Variants in DERA observed in about 807,000 individuals in gnomAD.
DERA encodes 2-deoxy-D-ribose 5-phosphate aldolase.
A neutral mutation model predicts 41.1 loss-of-function variants in DERA; 15 were observed. That is an observed-to-expected ratio of 0.37 (90% CI 0.24 to 0.56). The LOEUF is 0.56. Among genes scored for constraint, DERA ranks in the 20% least tolerant of loss-of-function variants. The pLI, the probability that DERA is intolerant of heterozygous loss-of-function variation, is 0.81. For missense variants in DERA, 396 were observed against 403.4 expected, an observed-to-expected ratio of 0.98 and a Z score of 0.16; for synonymous variants, 139 against 137.4, an observed-to-expected ratio of 1.01 and a Z score of -0.08.
In DERA at chr12:16,010,436, C is replaced by T. The variant is rs575288310; in HGVS notation, c.638-22106C>T. Among the ~76,000 whole-genome samples the T allele has an allele frequency of 6.6e-6, 1 of 151,876 alleles. No homozygotes were observed. Among genetic ancestry groups the T allele is most frequent in the East Asian group, 2.0e-4 (1 of 5,126 alleles). ...CAAAATTTGATGGTGACCTTTTCTGCTTGTACCTTTACCCATAGATGAGGT... is the reference window on the plus strand; with the variant it reads ...CAAAATTTGATGGTGACCTTTTCTGTTTGTACCTTTACCCATAGATGAGGT... On this transcript the variant is annotated intron_variant, in intron 6 of 8. Transcript: ENST00000428559. The surrounding 1 kb of genome is among the most constrained non-coding windows in gnomAD (Gnocchi z 5.5).
rs1948248712 is a variant in DERA, at chr12:15,922,101, TC to T, written c.31+10688del. Among the ~76,000 whole-genome samples the T allele has an allele frequency of 2.0e-5, 3 of 152,298 alleles. No individual in the cohort carries two copies. The South Asian group carries it at 6.2e-4, about 32-fold the overall frequency. On this transcript the variant is annotated intron_variant, in intron 1 of 8. Coordinates refer to ENST00000428559, the MANE Select transcript of DERA (RefSeq NM_015954.4). This position sits in a 1 kb window ranked among gnomAD's most constrained non-coding sequence, Gnocchi z 4.9. ...GTGTATGTTGAGTACTGTGAACTCATCACTGTCCATGTCTTTGTGAAAGCTA... is the reference window on the plus strand; with the variant it reads ...GTGTATGTTGAGTACTGTGAACTCATACTGTCCATGTCTTTGTGAAAGCTA...
rs1411575576 is a variant in DERA at position 16,010,428 on chromosome 12, C to G, written c.638-22114C>G. 6.6e-6 allele frequency among the ~76,000 whole-genome samples: 1 copy of G among 151,740 alleles called. No homozygotes were observed. The highest frequency in any genetic ancestry group is 1.5e-5 in the Non-Finnish European group (1 of 68,010). On this transcript the variant is annotated intron_variant, in intron 6 of 8. Coordinates refer to ENST00000428559, the MANE Select transcript of DERA (RefSeq NM_015954.4). The surrounding 1 kb of genome is among the most constrained non-coding windows in gnomAD (Gnocchi z 5.5). ...TGATCTGGCAAAATTTGATGGTGACCTTTTCTGCTTGTACCTTTACCCATA... is the reference window on the plus strand; with the variant it reads ...TGATCTGGCAAAATTTGATGGTGACGTTTTCTGCTTGTACCTTTACCCATA...
chr12:15,950,558 G>T (rs1033210462), intron 1 of DERA, among the ~76,000 whole-genome samples: 1 of 152,180 alleles, frequency 6.6e-6, no homozygotes, highest in Admixed American at 6.5e-5. Flanking sequence ...AGCCCAGTAA[G>T]TTTCAGCCTC....
Position 16,000,668 on chromosome 12 carries a change from C to G in DERA, c.637+18232C>G, listed in dbSNP as rs547674328. Reference sequence around the variant, plus strand: ...CAATGAAATTGGAAAGAATTTAGATCATCCATGTCACACAAAGCCAGCAAA... The same window carrying G: ...CAATGAAATTGGAAAGAATTTAGATGATCCATGTCACACAAAGCCAGCAAA... On this transcript the variant is annotated intron_variant, in intron 6 of 8. Coordinates refer to ENST00000428559, the MANE Select transcript of DERA (RefSeq NM_015954.4). The surrounding 1 kb of genome is among the most constrained non-coding windows in gnomAD (Gnocchi z 4.8). Among the ~76,000 whole-genome samples the G allele has an allele frequency of 1.1e-4, 16 of 152,334 alleles. No individual in the cohort carries two copies. The highest frequency in any genetic ancestry group is 2.4e-4 in the Non-Finnish European group (16 of 68,032).
Position 15,911,399 on chromosome 12 carries a change from C to A in DERA, c.16C>A (p.Arg6=), listed in dbSNP as rs1183933428. ...TGCCCGCGCCATGTCCGCGCACAAT[C>A]GGGGCACCGAGCTCGGTAAGGGGCC... MSAHN[R]GTELDLSWIS... Residue 6 remains arginine, a synonymous_variant, in exon 1 of 9, where the codon CGG becomes AGG. Transcript: ENST00000428559. This position sits in a 1 kb window ranked among gnomAD's most constrained non-coding sequence, Gnocchi z 4.5. 1.1e-5 allele frequency: 16 copies of A among 1,405,534 alleles called. 1 individual carries two copies. The East Asian group carries it at 4.4e-4, about 38-fold the overall frequency. The allele number at this position is 1,405,534 out of a possible 1,614,324, so 87.1% of individuals were successfully genotyped here. A position where few individuals can be genotyped will look rare whatever the true frequency, so the allele number is the denominator to read the frequency against.
At chr12:15,919,210 A>G (rs1369840409) in intron 1 of DERA, among the ~76,000 whole-genome samples, 1 of 152,194 alleles carries the variant, frequency 6.6e-6, no homozygotes. Flanking sequence ...GGTTTGTTGT[A>G]TAATTAAATA....
At position 15,957,831 on chromosome 12, in the gene DERA, CCTT is replaced by C. The variant is rs1383372287; in HGVS notation, c.130-353_130-351del. On this transcript the variant is annotated intron_variant, in intron 2 of 8. Transcript: ENST00000428559. This position sits in a 1 kb window ranked among gnomAD's most constrained non-coding sequence, Gnocchi z 4.8. The stretch of plus-strand genomic sequence containing the variant: ...CGGGAGGTAAAATGTAAGGTAGAAA[CCTT>C]CTTTCGGAGTTCTTCTTTGTCAGGG... Among the ~76,000 whole-genome samples, 12 of 152,224 alleles carry C rather than the reference CCTT, an allele frequency of 7.9e-5. No individual in the cohort carries two copies. In the South Asian group the frequency reaches 1.9e-3, roughly 24 times the overall value.
intron 6 of DERA, among the ~76,000 whole-genome samples, chr12:16,024,835 A>G (rs1010559375): frequency 6.6e-6 from 1 of 152,210 alleles, no homozygotes; most frequent in Non-Finnish European, 1.5e-5. Context: ...TAACTGATTT[A>G]AAAGATAACA....
At chr12:16,032,502 ATCTT>A in intron 6 of DERA, 36 bp from the exon 7 acceptor site, 1 of 1,158,448 alleles carries the variant, frequency 8.6e-7, no homozygotes, top group Non-Finnish European at 1.2e-6. Flanking sequence ...TAAAAAAAGA[ATCTT>A]TAATTAACAT....
intron 1 of DERA, among the ~76,000 whole-genome samples, chr12:15,912,174 G>A (rs1948169201): frequency 1.3e-5 from 2 of 152,120 alleles, no homozygotes; most frequent in Non-Finnish European, 2.9e-5. Context: ...GCCTTCCGCA[G>A]TGTTTGTGTC....
chr12:15,920,994 C>A (rs1396599850), intron 1 of DERA, among the ~76,000 whole-genome samples: 1 of 152,208 alleles, frequency 6.6e-6, no homozygotes, highest in African/African-American at 2.4e-5. Context: ...GGTTCAGATT[C>A]AGAGAATCTT....
rs867143687 is a variant in DERA, at chr12:15,928,125, A to T, written c.31+16711A>T. Among the ~76,000 whole-genome samples the T allele has an allele frequency of 2.0e-5, 3 of 152,338 alleles. No individual in the cohort carries two copies. Among genetic ancestry groups the T allele is most frequent in the Middle Eastern group, 6.8e-3 (2 of 294 alleles). The stretch of plus-strand genomic sequence containing the variant: ...AGTGACTTCATCACCTCACATACTT[A>T]GTTTTTGTGTTGAGAATGTCTGAAA... On this transcript the variant is annotated intron_variant, in intron 1 of 8. Transcript: ENST00000428559. This position sits in a 1 kb window ranked among gnomAD's most constrained non-coding sequence, Gnocchi z 4.6.
Position 15,981,100 on chromosome 12 carries a change from GCA to G in DERA, c.509-1206_509-1205del. On this transcript the variant is annotated intron_variant, in intron 5 of 8. Coordinates refer to ENST00000428559, the MANE Select transcript of DERA (RefSeq NM_015954.4). The surrounding 1 kb of genome is among the most constrained non-coding windows in gnomAD (Gnocchi z 6.1). ...ACCGTGGCTCACACCTGTAATCCCA[GCA>G]CTTTGGGACGCTGAGGCAGGCGGAT... is the stretch of plus-strand genomic sequence containing the variant. Among the ~76,000 whole-genome samples, 1 of 152,228 alleles carries G rather than the reference GCA, an allele frequency of 6.6e-6. No homozygotes were observed. The highest frequency in any genetic ancestry group is 6.5e-5 in the Admixed American group (1 of 15,288).
chr12:15,991,851 C>T (rs1449385659), intron 6 of DERA, among the ~76,000 whole-genome samples: 2 of 152,082 alleles, frequency 1.3e-5, no homozygotes, highest in African/African-American at 4.8e-5. Context: ...ATTCCAGGTA[C>T]TTCTGTCTTT....
intron 6 of DERA, among the ~76,000 whole-genome samples, chr12:16,029,765 A>T (rs989776156): frequency 1.3e-5 from 2 of 152,036 alleles, no homozygotes; most frequent in Non-Finnish European, 2.9e-5. Flanking sequence ...CTGCCATAGT[A>T]GATCTTCTGC....
At chr12:15,925,676 TGAA>T (rs1948276660) in intron 1 of DERA, among the ~76,000 whole-genome samples, 2 of 152,130 alleles carry the variant, frequency 1.3e-5, no homozygotes, top group African/African-American at 4.8e-5. Flanking sequence ...TATCATCTCC[TGAA>T]GAAGTAGAAC....
intron 5 of DERA, among the ~76,000 whole-genome samples, chr12:15,964,752 C>A (rs1592022951): frequency 6.6e-6 from 1 of 152,038 alleles, no homozygotes; most frequent in South Asian, 2.1e-4. Context: ...TAACTTACAC[C>A]TTTTATTAAG....
In DERA at chr12:15,999,427, C is replaced by T. The variant is rs896515113; in HGVS notation, c.637+16991C>T. Among the ~76,000 whole-genome samples the T allele has an allele frequency of 1.3e-5, 2 of 152,114 alleles. No homozygotes were observed. The highest frequency in any genetic ancestry group is 6.5e-5 in the Admixed American group (1 of 15,272). On this transcript the variant is annotated intron_variant, in intron 6 of 8. Coordinates refer to ENST00000428559, the MANE Select transcript of DERA (RefSeq NM_015954.4). This position sits in a 1 kb window ranked among gnomAD's most constrained non-coding sequence, Gnocchi z 5.3. ...TGGGAAAGCAGGTGATGTGGGGACACGTTTTCCAAGCACTTCAGGAACACA... is the reference window on the plus strand; with the variant it reads ...TGGGAAAGCAGGTGATGTGGGGACATGTTTTCCAAGCACTTCAGGAACACA...
Position 16,012,702 on chromosome 12 carries a change from G to A in DERA, c.638-19840G>A, listed in dbSNP as rs1202838402. Among the ~76,000 whole-genome samples the A allele has an allele frequency of 6.6e-6, 1 of 152,098 alleles. No individual in the cohort carries two copies. Among genetic ancestry groups the A allele is most frequent in the Non-Finnish European group, 1.5e-5 (1 of 68,014 alleles). ...ATTTTAAAGATATTGGTGTAAAATG[G>A]TGTCAAATTGTTAACCTACAGAGTG... On this transcript the variant is annotated intron_variant, in intron 6 of 8. Coordinates refer to ENST00000428559, the MANE Select transcript of DERA (RefSeq NM_015954.4). The surrounding 1 kb of genome is among the most constrained non-coding windows in gnomAD (Gnocchi z 4.1).
Sources: gnomAD v4.1 joint callset for allele counts (sites outside exome capture counted in the v4.1 genomes callset) on GRCh38, gnomAD v4.1.1 for gene constraint, Gnocchi (gnomAD v3.1) non-coding constraint, MANE v1.5 for transcripts, NCBI Gene and HGNC (gene_info 2026-07-23, HGNC 2026-07-21) for gene names.